Variants in PTPRQ observed in about 807,000 individuals in gnomAD.
PTPRQ encodes phosphatidylinositol phosphatase PTPRQ.
In PTPRQ, 199 loss-of-function variants were observed where a neutral mutation model predicts 246.0. The observed-to-expected ratio is 0.81, with a 90% CI of 0.72 to 0.91. The LOEUF (loss-of-function observed/expected upper bound fraction) is 0.91, where lower values mean the gene tolerates loss of function less well. PTPRQ is among the 40% of genes least tolerant of loss of function. The probability of loss-of-function intolerance (pLI) is 0.00; values close to 1 mark genes in which losing one functional copy is unlikely to be tolerated. For missense variants in PTPRQ, 2,624 were observed against 2,528.4 expected (o/e 1.04, Z -0.81); for synonymous variants, 869 against 853.2 (o/e 1.02, Z -0.32).
intron 3 of PTPRQ, among the ~76,000 whole-genome samples, chr12:80,452,738 GT>G (rs1275283806): frequency 4.6e-5 from 7 of 152,226 alleles, no homozygotes; most frequent in Admixed American, 3.3e-4. Flanking sequence ...GAGATCCGCT[GT>G]TAGTCTAATA....
intron 39 of PTPRQ, among the ~76,000 whole-genome samples, chr12:80,660,222 T>C (rs1900583166): frequency 6.6e-6 from 1 of 151,930 alleles, no homozygotes; most frequent in East Asian, 1.9e-4. Context: ...GCAAAATAAC[T>C]AGTGTTCAGA....
chr12:80,557,808 A>G (rs566771584), intron 25 of PTPRQ, among the ~76,000 whole-genome samples: 87 of 152,246 alleles, frequency 5.7e-4, no homozygotes, highest in African/African-American at 2.1e-3. Context: ...AAACCTTTCC[A>G]TCAGAATAAT....
rs1048601991 is a variant in PTPRQ, at chr12:80,568,280, A to AT, written c.4285+18554dup. Reference sequence around the variant, plus strand: ...TTTTTTGTATAAAAACTTATCAAGAATTTTTTTTCTCATTGTTCAGCTTAT... The same window carrying AT: ...TTTTTTGTATAAAAACTTATCAAGAATTTTTTTTTCTCATTGTTCAGCTTAT... On this transcript the variant is annotated intron_variant, in intron 25 of 44. Transcript: ENST00000644991. Among the ~76,000 whole-genome samples, 2 of 151,994 alleles carry AT rather than the reference A, an allele frequency of 1.3e-5. 1 individual carries two copies. The highest frequency in any genetic ancestry group is 4.1e-4 in the South Asian group (2 of 4,824).
intron 35 of PTPRQ, among the ~76,000 whole-genome samples, chr12:80,638,671 A>C (rs1241297997): frequency 6.6e-6 from 1 of 152,158 alleles, no homozygotes; most frequent in Admixed American, 6.5e-5. Context: ...TTGTTTCACA[A>C]AACTTTTGAA....
At chr12:80,656,407 A>G (rs1051224173) in intron 38 of PTPRQ, among the ~76,000 whole-genome samples, 3 of 152,108 alleles carry the variant, frequency 2.0e-5, no homozygotes, top group African/African-American at 7.2e-5. Flanking sequence ...TTAGCAATTT[A>G]CCCAAGCCCA....
chr12:80,502,343 G>A (rs1424945479), intron 14 of PTPRQ, among the ~76,000 whole-genome samples: 1 of 151,878 alleles, frequency 6.6e-6, no homozygotes, highest in East Asian at 1.9e-4. Context: ...AGAGAACATG[G>A]TGAAAACATA....
intron 4 of PTPRQ, among the ~76,000 whole-genome samples, chr12:80,458,436 G>A (rs7971193): frequency 0.097 from 14,670 of 151,960 alleles, 1,501 homozygotes; most frequent in African/African-American, 0.25. Flanking sequence ...TGTAATTTAT[G>A]TGGCTATTAC....
intron 35 of PTPRQ, among the ~76,000 whole-genome samples, chr12:80,640,948 T>C (rs1899834095): frequency 6.6e-6 from 1 of 152,202 alleles, no homozygotes; most frequent in Non-Finnish European, 1.5e-5. Context: ...CATTCTGTTA[T>C]CAACATGACG....
intron 8 of PTPRQ, among the ~76,000 whole-genome samples, chr12:80,483,693 T>C (rs1203181368): frequency 6.6e-6 from 1 of 151,816 alleles, no homozygotes; most frequent in Non-Finnish European, 1.5e-5. Flanking sequence ...CATCAAAGTG[T>C]CATCTACATT....
intron 25 of PTPRQ, among the ~76,000 whole-genome samples, chr12:80,566,319 A>G (rs1483898618): frequency 6.6e-6 from 1 of 152,058 alleles, no homozygotes; most frequent in Non-Finnish European, 1.5e-5. Context: ...CTCTACTAAA[A>G]ATACAAAAGT....
intron 25 of PTPRQ, among the ~76,000 whole-genome samples, chr12:80,578,591 C>T (rs534246672): frequency 5.3e-5 from 8 of 152,008 alleles, no homozygotes; most frequent in African/African-American, 1.9e-4. Flanking sequence ...GACGAGGTTC[C>T]ACCGTGTTAG....
Position 80,613,595 on chromosome 12 carries a change from C to G in PTPRQ, c.4922C>G (p.Pro1641Arg), listed in dbSNP as rs1343502893. 3 of 1,525,220 alleles carry G rather than the reference C, an allele frequency of 2.0e-6. No homozygotes were observed. Among genetic ancestry groups the G allele is most frequent in the Non-Finnish European group, 2.6e-6 (3 of 1,134,784 alleles). 94.5% of individuals were successfully genotyped at this position (1,525,220 alleles called of 1,614,324 possible). A position where few individuals can be genotyped will look rare whatever the true frequency, so the allele number is the denominator to read the frequency against. Residue 1641 changes from proline to arginine, a missense_variant, in exon 29 of 45, where the codon CCA (proline) becomes CGA (arginine). By Grantham distance (103) the Pro-to-Arg change is moderately radical (BLOSUM62 -2). Coordinates refer to ENST00000644991, the MANE Select transcript of PTPRQ (RefSeq NM_001145026.2). ...ATTGTTAAATATTTTATTTTAGCCCCAAAGGACCCACCTAACAACATGACA... is the reference window on the plus strand; with the variant it reads ...ATTGTTAAATATTTTATTTTAGCCCGAAAGGACCCACCTAACAACATGACA... ...EMIVTTLESA[P>R]KDPPNNMTFQ...
At chr12:80,554,081 G>C (rs758605266) in intron 25 of PTPRQ, among the ~76,000 whole-genome samples, 2 of 152,062 alleles carry the variant, frequency 1.3e-5, no homozygotes. Flanking sequence ...GAGGGGCAGG[G>C]GGGGTAGGAA....
Position 80,538,424 on chromosome 12 carries a change from A to G in PTPRQ, c.2986-1352A>G, listed in dbSNP as rs943899207. Among the ~76,000 whole-genome samples, 6 of 152,336 alleles carry G rather than the reference A, an allele frequency of 3.9e-5. 1 individual carries two copies. In the South Asian group the frequency reaches 6.2e-4, roughly 16 times the overall value. On this transcript the variant is annotated intron_variant, in intron 19 of 44. Transcript: ENST00000644991. ...CATAGGTAATCAGAATAAATTCTATAACAAAAATTAAAATTTACATCAAAA... is the reference window on the plus strand; with the variant it reads ...CATAGGTAATCAGAATAAATTCTATGACAAAAATTAAAATTTACATCAAAA...
At chr12:80,613,052 T>C (rs975363298) in intron 28 of PTPRQ, among the ~76,000 whole-genome samples, 1 of 150,344 alleles carries the variant, frequency 6.7e-6, no homozygotes, top group Non-Finnish European at 1.5e-5. Flanking sequence ...ACGGTGGTGG[T>C]TAAAGGAATC....
At chr12:80,449,331 T>C (rs138226131) in intron 3 of PTPRQ, among the ~76,000 whole-genome samples, 8,730 of 152,246 alleles carry the variant, frequency 0.057, 388 homozygotes, top group East Asian at 0.2. Flanking sequence ...GGGTTGCCTG[T>C]TCACTCTGAT....
At chr12:80,607,464 TCCCTCCCACCC>T (rs1898369914) in intron 27 of PTPRQ, among the ~76,000 whole-genome samples, 1 of 146,618 alleles carries the variant, frequency 6.8e-6, no homozygotes, top group African/African-American at 2.5e-5. Flanking sequence ...CCTTCCTTCC[TCCCTCCCACCC>T]TCCCTCCTTC....
Position 80,679,158 on chromosome 12 carries a change from G to C in PTPRQ, c.*135G>C. 1 of 1,068,910 alleles carries C rather than the reference G, an allele frequency of 9.4e-7. No homozygotes were observed. The highest frequency in any genetic ancestry group is 2.5e-5 in the South Asian group (1 of 40,184). The allele number at this position is 1,068,910 out of a possible 1,614,324, so 66.2% of individuals were successfully genotyped here. ...TTCTCTCACTGTGCCTTTCCAAACG[G>C]ATTGAACATTTTAAGACTAGTTCTT... On this transcript the variant is annotated 3_prime_UTR_variant, in exon 45 of 45. Coordinates refer to ENST00000644991, the MANE Select transcript of PTPRQ (RefSeq NM_001145026.2).
At chr12:80,501,047 T>C (rs1244715181) in intron 14 of PTPRQ, among the ~76,000 whole-genome samples, 3 of 151,850 alleles carry the variant, frequency 2.0e-5, no homozygotes, top group Admixed American at 6.6e-5. Flanking sequence ...ATGAAAAGTG[T>C]TCCAGAGGAA....
Sources: allele counts gnomAD v4.1 joint callset (sites outside exome capture counted in the v4.1 genomes callset), GRCh38; gene constraint gnomAD v4.1.1; transcripts MANE v1.5; gene names NCBI Gene and HGNC (gene_info 2026-07-23, HGNC 2026-07-21).